TJP1: variants seen among roughly 807,000 people sequenced by gnomAD.
TJP1 encodes the protein tight junction protein ZO-1.
Under a neutral mutation model 194.2 loss-of-function variants are expected in TJP1, and 43 were observed. The observed-to-expected ratio is 0.22, with a 90% CI of 0.17 to 0.29. The LOEUF (loss-of-function observed/expected upper bound fraction) is 0.29. Ranked by LOEUF, TJP1 falls within the 10% of genes least tolerant of loss-of-function variation. TJP1 has a pLI of 1.00. For missense variants in TJP1, 1,971 were observed against 2,185.7 expected (o/e 0.90, Z 1.96); for synonymous variants, 801 against 779.0 (o/e 1.03, Z -0.47).
At chr15:29,782,608 G>C (rs915994380) in intron 2 of TJP1, among the ~76,000 whole-genome samples, 5 of 152,196 alleles carry the variant, frequency 3.3e-5, no homozygotes, top group Non-Finnish European at 7.4e-5. Flanking sequence ...GACAACTCAG[G>C]CAATACCATT....
chr15:29,818,951 G>A (rs1662014082), intron 1 of TJP1, among the ~76,000 whole-genome samples: 2 of 151,438 alleles, frequency 1.3e-5, no homozygotes, highest in Admixed American at 6.6e-5. Context: ...CCAAGTAGCT[G>A]GGATTATAGG....
At chr15:29,963,817 C>A (rs2056243689) in intron 1 of TJP1, among the ~76,000 whole-genome samples, 1 of 152,084 alleles carries the variant, frequency 6.6e-6, no homozygotes, top group South Asian at 2.1e-4. Context: ...TCACGCCCAG[C>A]TAATTTTTGT....
At chr15:29,811,780 T>A (rs2049530265) in intron 1 of TJP1, among the ~76,000 whole-genome samples, 1 of 151,990 alleles carries the variant, frequency 6.6e-6, no homozygotes, top group African/African-American at 2.4e-5. Flanking sequence ...CAGAAATAAA[T>A]AAATGAATCC....
chr15:29,877,916 C>T (rs1156919772), intron 2 of TJP1, among the ~76,000 whole-genome samples: 8 of 152,152 alleles, frequency 5.3e-5, no homozygotes, highest in Non-Finnish European at 2.9e-5. Flanking sequence ...ATCCGCTTGC[C>T]TTGGCCTCCT....
At chr15:29,950,414 A>G (rs1317925760) in intron 2 of TJP1, among the ~76,000 whole-genome samples, 1 of 147,148 alleles carries the variant, frequency 6.8e-6, no homozygotes, top group African/African-American at 2.5e-5. Context: ...TTCTACCACC[A>G]TAAGTACACC....
At chr15:29,884,610 TTTCTATTAAAG>T (rs1211223778) in intron 2 of TJP1, among the ~76,000 whole-genome samples, 1 of 152,226 alleles carries the variant, frequency 6.6e-6, no homozygotes, top group Non-Finnish European at 1.5e-5. Context: ...AGAATTAATA[TTTCTATTAAAG>T]TTCTGCAACG....
At position 29,762,448 on chromosome 15, in the gene TJP1, T is replaced by A; in HGVS notation, c.590-10A>T. On this transcript the variant is annotated splice_polypyrimidine_tract_variant and intron_variant, in intron 5 of 27. Transcript: ENST00000614355. ...AATCGAAGACCATATTCTGAAATAA[T>A]GTAAGTAAGTGTTTTTAGTATAACA... 1.2e-6 allele frequency: 2 copies of A among 1,603,148 alleles called. No individual in the cohort carries two copies. The highest frequency in any genetic ancestry group is 1.7e-6 in the Non-Finnish European group (2 of 1,172,254).
intron 19 of TJP1, 158 bp downstream of exon 19, chr15:29,720,200 C>G (rs937737934): frequency 8.9e-7 from 1 of 1,120,490 alleles, no homozygotes; most frequent in Admixed American, 2.9e-5. Flanking sequence ...GACAAACACA[C>G]AAAATTTAGA....
At chr15:29,842,575 C>G (rs2051263745) in intron 2 of TJP1, among the ~76,000 whole-genome samples, 1 of 152,168 alleles carries the variant, frequency 6.6e-6, no homozygotes, top group African/African-American at 2.4e-5. Context: ...CCTACAGAGA[C>G]ATGGGGAGAC....
intron 11 of TJP1, 32 bp from the exon 12 acceptor site, chr15:29,734,414 G>T: frequency 6.7e-7 from 1 of 1,503,534 alleles, no homozygotes; most frequent in Non-Finnish European, 9.2e-7. Flanking sequence ...ATCATTCTTG[G>T]CTGTTTAAGA....
chr15:29,749,289 T>C (rs998868269), intron 8 of TJP1, among the ~76,000 whole-genome samples: 19 of 152,240 alleles, frequency 1.2e-4, no homozygotes, highest in Admixed American at 1.0e-3. Context: ...AGAGATTTTA[T>C]AGGTCACATG....
intron 4 of TJP1, among the ~76,000 whole-genome samples, chr15:29,771,143 A>G (rs2046644457): frequency 6.6e-6 from 1 of 152,230 alleles, no homozygotes; most frequent in Non-Finnish European, 1.5e-5. Context: ...AGCTGCCTAC[A>G]GTATCCAGAA....
Position 29,726,397 on chromosome 15 carries a change from T to C in TJP1, c.2394A>G (p.Val798=). ...EAIQQQQNQL[V]WVSEGKADGA... ...GTCTTACCTTTCCCTCGGAAACCCA[T>C]ACCAGCTGGTTTTGCTGTTGTTGAA... Residue 798 remains valine (V), a synonymous_variant, in exon 18 of 28, where the codon GTA becomes GTG. Coordinates refer to ENST00000614355, the MANE Select transcript of TJP1 (RefSeq NM_001330239.4). The C allele has an allele frequency of 1.2e-6, 2 of 1,614,090 alleles. No individual in the cohort carries two copies. The highest frequency in any genetic ancestry group is 8.5e-7 in the Non-Finnish European group (1 of 1,179,948).
At position 29,773,811 on chromosome 15, in the gene TJP1, A is replaced by G. The variant is rs891518734; in HGVS notation, c.85-454T>C. 3.2e-4 allele frequency among the ~76,000 whole-genome samples: 48 copies of G among 152,222 alleles called. 1 individual carries two copies. ...AGTATTAGTTATTTCAACTTCTTTC[A>G]ACAACTTCTGCCAACTCCTAAAAAT... is the stretch of plus-strand genomic sequence containing the variant. On this transcript the variant is annotated intron_variant, in intron 2 of 27. Coordinates refer to ENST00000614355, the MANE Select transcript of TJP1 (RefSeq NM_001330239.4).
intron 8 of TJP1, among the ~76,000 whole-genome samples, chr15:29,751,487 C>T (rs779323723): frequency 6.6e-5 from 10 of 152,148 alleles, no homozygotes; most frequent in Non-Finnish European, 1.2e-4. Context: ...CTAGTCCATC[C>T]GCATTAGAAG....
chr15:29,935,106 T>A (rs1183824297), intron 2 of TJP1, among the ~76,000 whole-genome samples: 1 of 152,220 alleles, frequency 6.6e-6, no homozygotes, highest in East Asian at 1.9e-4. Flanking sequence ...TTTCTTCTAT[T>A]GCTCACATGA....
intron 2 of TJP1, among the ~76,000 whole-genome samples, chr15:29,868,057 CAAAAAAAAA>C (rs33939764): frequency 7.9e-6 from 1 of 127,366 alleles, no homozygotes; most frequent in Non-Finnish European, 1.6e-5. Flanking sequence ...GATTCTGTCT[CAAAAAAAAA>C]AAAAAAAAAT....
chr15:29,968,662 C>T, intron 1 of TJP1: 1 of 1,074,696 alleles, frequency 9.3e-7, no homozygotes, highest in Non-Finnish European at 1.1e-6. Context: ...GCGCGGCCGC[C>T]TCACCACAGC....
intron 1 of TJP1, among the ~76,000 whole-genome samples, chr15:29,816,622 C>G (rs1567088122): frequency 6.6e-6 from 1 of 152,274 alleles, no homozygotes; most frequent in South Asian, 2.1e-4. Flanking sequence ...CAGTATGAAG[C>G]AAGTATGCAT....
Sources: gnomAD v4.1 joint callset for allele counts (sites outside exome capture counted in the v4.1 genomes callset) on GRCh38, gnomAD v4.1.1 for gene constraint, MANE v1.5 for transcripts, NCBI Gene and HGNC (gene_info 2026-07-23, HGNC 2026-07-21) for gene names.